BPIFA2: variants seen among roughly 807,000 people sequenced by gnomAD.
The protein encoded by BPIFA2 is BPI fold containing family A member 2, also known as BPI fold-containing family A member 2.
A neutral mutation model predicts 25.7 loss-of-function variants in BPIFA2; 20 were observed. The observed-to-expected ratio is 0.78, with a 90% CI of 0.55 to 1.13. BPIFA2 has a LOEUF of 1.13. Ranked by LOEUF, BPIFA2 falls within the 50% of genes most tolerant of loss-of-function variation. The pLI is 0.00. For synonymous variants in BPIFA2, 126 were observed against 124.3 expected (o/e 1.01, Z -0.09); for missense variants, 300 against 298.1 (o/e 1.01, Z -0.05).
At chr20:33,167,986 T>C (rs1382166384), upstream of BPIFA2, among the ~76,000 whole-genome samples, 1 of 152,212 alleles carries the variant, frequency 6.6e-6, no homozygotes, top group East Asian at 1.9e-4. Context: ...TCCGTTTCAA[T>C]TCAAGCATCC....
chr20:33,175,717 T>A (rs1383325452), intron 5 of BPIFA2, among the ~76,000 whole-genome samples, 158 bp downstream of exon 5: 5 of 152,182 alleles, frequency 3.3e-5, no homozygotes, highest in Non-Finnish European at 5.9e-5. Flanking sequence ...TGCCACTAAC[T>A]TGTAACTTTA....
intron 5 of BPIFA2, among the ~76,000 whole-genome samples, chr20:33,176,852 C>T (rs1474153434): frequency 1.3e-5 from 2 of 152,146 alleles, no homozygotes; most frequent in Non-Finnish European, 1.5e-5. Flanking sequence ...AAGGCTCTTT[C>T]CCAGCTTAAG....
intron 1 of BPIFA2, among the ~76,000 whole-genome samples, chr20:33,162,188 C>A (rs1288111050): frequency 6.6e-6 from 1 of 152,114 alleles, no homozygotes; most frequent in East Asian, 1.9e-4. Context: ...ACCATGTTGG[C>A]CAGGCTGGTC....
intron 4 of BPIFA2, among the ~76,000 whole-genome samples, chr20:33,174,967 A>G (rs780223520): frequency 2.4e-4 from 37 of 152,230 alleles, no homozygotes; most frequent in Non-Finnish European, 4.1e-4. Context: ...AGCATGTGTG[A>G]AAGCACTTCT....
intron 7 of BPIFA2, 116 bp downstream of exon 7, chr20:33,179,783 A>G (rs1464739982): frequency 9.3e-7 from 1 of 1,075,638 alleles, no homozygotes; most frequent in Non-Finnish European, 1.4e-6. Context: ...TGTCCTAAGC[A>G]AATTGGGAGC....
chr20:33,172,465 C>T (rs1342933436), intron 2 of BPIFA2, among the ~76,000 whole-genome samples: 2 of 152,096 alleles, frequency 1.3e-5, no homozygotes, highest in African/African-American at 4.8e-5. Context: ...CTGGGACTCT[C>T]GTTTTCCAGT....
chr20:33,165,468 T>C (rs1983695928), upstream of BPIFA2, among the ~76,000 whole-genome samples: 1 of 152,216 alleles, frequency 6.6e-6, no homozygotes. Flanking sequence ...GTGGGCAGTC[T>C]GGTCAGCTGA....
At chr20:33,179,205 A>C (rs1012646494) in intron 6 of BPIFA2, among the ~76,000 whole-genome samples, 1 of 152,068 alleles carries the variant, frequency 6.6e-6, no homozygotes, top group Non-Finnish European at 1.5e-5. Context: ...CAAGGTGGGC[A>C]GATCACTTGA....
At chr20:33,175,181 T>A (rs1249599760) in intron 4 of BPIFA2, among the ~76,000 whole-genome samples, 1 of 152,202 alleles carries the variant, frequency 6.6e-6, no homozygotes, top group Non-Finnish European at 1.5e-5. Flanking sequence ...ATTAGTGTAA[T>A]GTTGTATAAA....
At chr20:33,177,901 T>C (rs573968561) in intron 5 of BPIFA2, among the ~76,000 whole-genome samples, 4 of 152,172 alleles carry the variant, frequency 2.6e-5, no homozygotes, top group Admixed American at 2.0e-4. Flanking sequence ...TAAATACGGG[T>C]TGAATGAGTG....
Position 33,175,485 on chromosome 20 carries a change from G to A in BPIFA2, c.489G>A (p.Gln163=). 3 of 1,614,094 alleles carry A rather than the reference G, an allele frequency of 1.9e-6. No homozygotes were observed. The highest frequency in any genetic ancestry group is 2.5e-6 in the Non-Finnish European group (3 of 1,179,996). The change falls in exon 5 of 9, where the codon CAG becomes CAA. Residue 163 remains glutamine (Q), a synonymous_variant. Transcript: ENST00000354932. ...CAGTCACAATTGAAACTGATCCCCA[G>A]ACACACCAGCCTGTTGCCGTCCTGG... The part of the protein sequence containing the change: ...LTAVTIETDP[Q]THQPVAVLGE...
At chr20:33,172,113 T>A (rs917410316) in intron 2 of BPIFA2, among the ~76,000 whole-genome samples, 2 of 152,010 alleles carry the variant, frequency 1.3e-5, no homozygotes, top group Non-Finnish European at 1.5e-5. Context: ...CCAGAAGCCA[T>A]CATCCTCAGC....
intron 2 of BPIFA2, among the ~76,000 whole-genome samples, chr20:33,169,597 C>T (rs1368511553): frequency 1.3e-5 from 2 of 152,178 alleles, no homozygotes; most frequent in Admixed American, 1.3e-4. Flanking sequence ...ACACTTTCTC[C>T]AACAGTCTAC....
chr20:33,173,493 T>A lies in BPIFA2; in HGVS notation c.302+417T>A, dbSNP rs192526192. ...CAGTGGATCCACTCACATACTTTTATTATTATTATTGTTATTATTATTATT... is the reference window on the plus strand; with the variant it reads ...CAGTGGATCCACTCACATACTTTTAATATTATTATTGTTATTATTATTATT... On this transcript the variant is annotated intron_variant, in intron 3 of 8. Transcript: ENST00000354932. 1.9e-3 allele frequency among the ~76,000 whole-genome samples: 284 copies of A among 152,194 alleles called. 3 individuals carry two copies. The highest frequency in any genetic ancestry group is 6.1e-3 in the African/African-American group (255 of 41,520).
Position 33,175,547 on chromosome 20 carries a change from C to A in BPIFA2, c.551C>A (p.Ser184Tyr). Residue 184 changes from serine to tyrosine, a missense_variant, in exon 5 of 9, where the codon TCC (serine) becomes TAC (tyrosine). Physicochemically the swap from Ser to Tyr is moderately radical, Grantham distance 144 (BLOSUM62 -2). Transcript: ENST00000354932. ...AGTGACCCAACCAGCATCTCACTTT[C>A]CTTGCTGGACAAGTAAGTCCCATTC... ...CASDPTSISL[S>Y]LLDKHSQIIN... The A allele has an allele frequency of 6.2e-7, 1 of 1,613,988 alleles. No homozygotes were observed. The highest frequency in any genetic ancestry group is 1.1e-5 in the South Asian group (1 of 91,042).
At chr20:33,172,229 G>C (rs901111107) in intron 2 of BPIFA2, among the ~76,000 whole-genome samples, 2 of 151,888 alleles carry the variant, frequency 1.3e-5, no homozygotes, top group Non-Finnish European at 2.9e-5. Flanking sequence ...CACACACTGG[G>C]GCCATTTGGG....
intron 2 of BPIFA2, among the ~76,000 whole-genome samples, chr20:33,171,365 T>G (rs7270294): frequency 0.018 from 2,682 of 152,164 alleles, 59 homozygotes; most frequent in African/African-American, 0.058. Context: ...TTCCTATCCG[T>G]GAGCATGGAA....
In BPIFA2 at chr20:33,179,601, C is replaced by T. The variant is rs1245943160; in HGVS notation, c.646-3C>T. On this transcript the variant is annotated splice_polypyrimidine_tract_variant and splice_region_variant and intron_variant, in intron 6 of 8. Coordinates refer to ENST00000354932, the MANE Select transcript of BPIFA2 (RefSeq NM_080574.4). Reference sequence around the variant, plus strand: ...CTCCTCTTCCTCCTTTCTCCGCTGTCAGATATGTCCACTGATCCGCATCTT... The same window carrying T: ...CTCCTCTTCCTCCTTTCTCCGCTGTTAGATATGTCCACTGATCCGCATCTT... 6.2e-7 allele frequency: 1 copy of T among 1,608,176 alleles called. No individual in the cohort carries two copies. The highest frequency in any genetic ancestry group is 1.1e-5 in the South Asian group (1 of 90,950).
intron 6 of BPIFA2, among the ~76,000 whole-genome samples, chr20:33,178,907 C>T (rs1465869394): frequency 6.6e-6 from 1 of 152,200 alleles, no homozygotes; most frequent in African/African-American, 2.4e-5. Context: ...CTGCGGGGAA[C>T]TGTGTACACA....
Sources: gnomAD v4.1 joint callset for allele counts (sites outside exome capture counted in the v4.1 genomes callset) on GRCh38, gnomAD v4.1.1 for gene constraint, MANE v1.5 for transcripts, NCBI Gene and HGNC (gene_info 2026-07-23, HGNC 2026-07-21) for gene names.